The following MTRF1 variants were observed in gnomAD, a reference collection of about 807,000 sequenced individuals.
MTRF1 encodes peptide chain release factor 1, mitochondrial.
A neutral mutation model predicts 62.9 loss-of-function variants in MTRF1; 51 were observed. That is an observed-to-expected ratio of 0.81 (90% confidence interval 0.65 to 1.02). The LOEUF (loss-of-function observed/expected upper bound fraction) is 1.02, where lower values mean the gene tolerates loss of function less well. Ranked by LOEUF, MTRF1 falls within the 50% of genes least tolerant of loss-of-function variation. The pLI is 0.00. For synonymous variants in MTRF1, 158 were observed against 181.9 expected, an observed-to-expected ratio of 0.87 and a Z score of 1.06; for missense variants, 446 against 530.0, an observed-to-expected ratio of 0.84 and a Z score of 1.56.
chr13:41,226,345 A>C, intron 8 of MTRF1, 87 bp downstream of exon 8: 1 of 1,368,254 alleles, frequency 7.3e-7, no homozygotes, highest in Non-Finnish European at 1.0e-6. Flanking sequence ...AAACATTCCC[A>C]TTTAAGCAAG....
the MTRF1 span, among the ~76,000 whole-genome samples, chr13:41,271,091 A>ACACAC: frequency 0.018 from 2,530 of 137,198 alleles, 73 homozygotes; most frequent in African/African-American, 0.065. Context: ...ACACACACAC[A>ACACAC]CCCCATATAG....
At chr13:41,240,541 G>A (rs2037347524) in intron 5 of MTRF1, 108 bp from the exon 6 acceptor site, 2 of 1,003,980 alleles carry the variant, frequency 2.0e-6, no homozygotes, top group Non-Finnish European at 2.7e-6. Context: ...AGCCTAAGAT[G>A]AGAACATAAA....
At chr13:41,311,077 A>C in the MTRF1 span, 1 of 222,252 alleles carries the variant, frequency 4.5e-6, no homozygotes, top group Non-Finnish European at 8.9e-6. Flanking sequence ...ATGGGACTCC[A>C]AGGTTTTGGT....
upstream of MTRF1, among the ~76,000 whole-genome samples, chr13:41,264,600 A>G (rs2040777725): frequency 6.6e-6 from 1 of 152,254 alleles, no homozygotes; most frequent in South Asian, 2.1e-4. Context: ...AATAATATCT[A>G]ACGTTTATAG....
At chr13:41,293,152 T>TTGTGTGTG in the MTRF1 span, among the ~76,000 whole-genome samples, 3 of 150,204 alleles carry the variant, frequency 2.0e-5, no homozygotes, top group Admixed American at 2.0e-4. Context: ...TGTGAAATCT[T>TTGTGTGTG]TGTGTGTGTG....
chr13:41,311,484 GCACCTAGCCTCCCTGCCGGC>G, the MTRF1 span: 784 of 1,560,186 alleles, frequency 5.0e-4, 6 homozygotes, highest in South Asian at 2.1e-3. Flanking sequence ...GAGCGCCCGG[GCACCTAGCCTCCCTGCCGGC>G]CACCTAGCCT....
chr13:41,287,298 C>T, the MTRF1 span, among the ~76,000 whole-genome samples: 4 of 152,046 alleles, frequency 2.6e-5, no homozygotes, highest in African/African-American at 7.2e-5. Context: ...CCTCACATGG[C>T]CAGAGCAGGA....
the MTRF1 span, among the ~76,000 whole-genome samples, chr13:41,304,311 T>C: frequency 6.6e-6 from 1 of 152,148 alleles, no homozygotes; most frequent in African/African-American, 2.4e-5. Flanking sequence ...TTGCCCAGAT[T>C]GGAGGGCAGT....
At chr13:41,256,396 G>A (rs964200298) in intron 2 of MTRF1, among the ~76,000 whole-genome samples, 5 of 150,436 alleles carry the variant, frequency 3.3e-5, no homozygotes, top group African/African-American at 1.2e-4. Context: ...GTGTGATCTC[G>A]ACTCATTGCA....
intron 5 of MTRF1, among the ~76,000 whole-genome samples, chr13:41,241,589 G>A (rs1234936436): frequency 2.0e-5 from 3 of 151,980 alleles, no homozygotes; most frequent in African/African-American, 4.8e-5. Context: ...TTACCTAAAC[G>A]TGTAGCCCTA....
intron 5 of MTRF1, among the ~76,000 whole-genome samples, chr13:41,250,039 G>A (rs141228798): frequency 1.3e-4 from 20 of 152,050 alleles, no homozygotes; most frequent in African/African-American, 4.8e-4. Context: ...CTAAAGGAAA[G>A]GTTTCCCAAT....
chr13:41,223,999 G>A (rs1194922155), intron 8 of MTRF1, among the ~76,000 whole-genome samples: 1 of 152,062 alleles, frequency 6.6e-6, no homozygotes, highest in African/African-American at 2.4e-5. Flanking sequence ...GTTCCTTCTT[G>A]TCTACTGAGC....
intron 6 of MTRF1, among the ~76,000 whole-genome samples, chr13:41,237,248 C>T (rs1237517627): frequency 7.8e-6 from 1 of 128,886 alleles, no homozygotes; most frequent in Admixed American, 7.9e-5. Context: ...AAGAATATGA[C>T]AATAAAAACA....
the MTRF1 span, among the ~76,000 whole-genome samples, chr13:41,270,427 A>G: frequency 2.6e-5 from 4 of 152,208 alleles, no homozygotes; most frequent in Admixed American, 2.6e-4. Context: ...CATTGTGTAC[A>G]TAACACATAA....
At chr13:41,229,921 T>G (rs536717730) in intron 7 of MTRF1, among the ~76,000 whole-genome samples, 1 of 152,042 alleles carries the variant, frequency 6.6e-6, no homozygotes, top group Non-Finnish European at 1.5e-5. Flanking sequence ...GCCAACATGG[T>G]GAAACTACGT....
chr13:41,265,044 C>A (rs1161802333), upstream of MTRF1, among the ~76,000 whole-genome samples: 1 of 152,132 alleles, frequency 6.6e-6, no homozygotes, highest in Non-Finnish European at 1.5e-5. Context: ...CCTAAGTTAT[C>A]CAAAAAGTTC....
chr13:41,245,882 T>C (rs566602574), intron 5 of MTRF1, among the ~76,000 whole-genome samples: 1 of 152,290 alleles, frequency 6.6e-6, no homozygotes, highest in South Asian at 2.1e-4. Context: ...TTCTTTTCCC[T>C]TCCTCCCTCT....
chr13:41,217,479 CAA>C (rs2032128718), intron 9 of MTRF1, among the ~76,000 whole-genome samples: 1 of 152,124 alleles, frequency 6.6e-6, no homozygotes, highest in South Asian at 2.1e-4. Context: ...GACAACAAAA[CAA>C]AGAGATCTAG....
At chr13:41,237,506 T>C (rs1288982758) in intron 6 of MTRF1, among the ~76,000 whole-genome samples, 5 of 150,806 alleles carry the variant, frequency 3.3e-5, no homozygotes, top group African/African-American at 1.2e-4. Context: ...TATGCATTCT[T>C]TTTTTTTTGA....
Sources: gnomAD v4.1 joint callset for allele counts (sites outside exome capture counted in the v4.1 genomes callset) on GRCh38, gnomAD v4.1.1 for gene constraint, MANE v1.5 for transcripts, NCBI Gene and HGNC (gene_info 2026-07-23, HGNC 2026-07-21) for gene names.